The following KIF7 variants were observed in gnomAD, a reference collection of about 807,000 sequenced individuals.
KIF7 encodes the protein kinesin-like protein KIF7.
Under a neutral mutation model 135.7 loss-of-function variants are expected in KIF7, and 104 were observed. The observed-to-expected ratio is 0.77, with a 90% CI of 0.65 to 0.90. The LOEUF (loss-of-function observed/expected upper bound fraction) is 0.90. Ranked by LOEUF, KIF7 falls within the 40% of genes least tolerant of loss-of-function variation. KIF7 has a pLI of 0.00. For synonymous variants in KIF7, 883 were observed against 809.4 expected (o/e 1.09, Z -1.54); for missense variants, 2,005 against 1,839.1 (o/e 1.09, Z -1.65).
In KIF7 at chr15:89,648,611, G is replaced by T. The variant is rs1170850463; in HGVS notation, c.1087C>A (p.Arg363=). ...ATVNWRPEAE[R]PPEETASGAR... Reference sequence around the variant, plus strand: ...CCGCTCGCCGTCTCTTCGGGTGGCCGCTCGGCCTCGGGCCGCCAGTTGACC... The same window carrying T: ...CCGCTCGCCGTCTCTTCGGGTGGCCTCTCGGCCTCGGGCCGCCAGTTGACC... The change falls in exon 5 of 19, where the codon CGG becomes AGG. Residue 363 remains arginine (R), a synonymous_variant. Coordinates refer to ENST00000394412, the MANE Select transcript of KIF7 (RefSeq NM_198525.3). 6.5e-7 allele frequency: 1 copy of T among 1,532,806 alleles called. No individual in the cohort carries two copies. The highest frequency in any genetic ancestry group is 1.2e-5 in the South Asian group (1 of 83,940). 95.0% of individuals were successfully genotyped at this position (1,532,806 alleles called of 1,614,324 possible).
At chr15:89,662,328 C>T in the KIF7 span, among the ~76,000 whole-genome samples, 1 of 152,086 alleles carries the variant, frequency 6.6e-6, no homozygotes, top group Non-Finnish European at 1.5e-5. Context: ...GAAACCCCGT[C>T]TCTACTAAAA....
At position 89,633,797 on chromosome 15, in the gene KIF7, G is replaced by A. The variant is rs35837280; in HGVS notation, c.2481C>T (p.Asn827=). ...CCTGCTGCTGCCGCATGAGCTGCAC[G>A]TTCCGCTCGAGCTCCTGCAGTCGCT... The part of the protein sequence containing the change: ...SEKRLQELER[N]VQLMRQQQGQ... The change falls in exon 12 of 19, where the codon AAC becomes AAT. Residue 827 remains asparagine (N), a synonymous_variant. Coordinates refer to ENST00000394412, the MANE Select transcript of KIF7 (RefSeq NM_198525.3). The A allele has an allele frequency of 2.0e-3, 3,239 of 1,612,390 alleles. 62 individuals carry two copies. The African/African-American group carries it at 0.038, about 19-fold the overall frequency.
upstream of KIF7, among the ~76,000 whole-genome samples, chr15:89,655,612 G>A (rs1303741622): frequency 1.3e-5 from 2 of 152,140 alleles, no homozygotes; most frequent in African/African-American, 4.8e-5. Flanking sequence ...GTGCTCAAGG[G>A]CTGGGCCTGG....
upstream of KIF7, among the ~76,000 whole-genome samples, chr15:89,658,821 G>C (rs558236121): frequency 6.7e-6 from 1 of 149,580 alleles, no homozygotes; most frequent in African/African-American, 2.5e-5. Flanking sequence ...CTGTGATGGC[G>C]CCACTGCACT....
At chr15:89,634,025 G>A (rs950336202) in intron 11 of KIF7, 142 bp from the exon 12 acceptor site, 10 of 888,506 alleles carry the variant, frequency 1.1e-5, no homozygotes, top group African/African-American at 1.6e-5. Flanking sequence ...GAGGCCGGGT[G>A]CGGTGGCTCA....
At chr15:89,641,659 G>A (rs1963921341) in intron 11 of KIF7, among the ~76,000 whole-genome samples, 1 of 152,096 alleles carries the variant, frequency 6.6e-6, no homozygotes, top group East Asian at 1.9e-4. Flanking sequence ...AAATCAGCTG[G>A]GCGTGGTGGC....
At chr15:89,626,046 A>C (rs1330987375), downstream of KIF7, 1 of 1,613,904 alleles carries the variant, frequency 6.2e-7, no homozygotes, top group Admixed American at 1.7e-5. Context: ...TTCCTCTCAG[A>C]GCAAAGACCC....
intron 1 of KIF7, among the ~76,000 whole-genome samples, chr15:89,621,162 G>A (rs1215112751): frequency 6.6e-6 from 1 of 152,076 alleles, no homozygotes; most frequent in African/African-American, 2.4e-5. Context: ...TGGGATTACA[G>A]GCCCCTGCCA....
intron 2 of KIF7, 164 bp from the exon 3 acceptor site, chr15:89,650,105 G>A (rs1198007631): frequency 2.9e-6 from 2 of 684,998 alleles, no homozygotes; most frequent in East Asian, 5.5e-5. Context: ...GCTTGGCCAT[G>A]CTCCAGCGTG....
intron 1 of KIF7, among the ~76,000 whole-genome samples, chr15:89,653,503 C>T (rs1369261302): frequency 1.3e-5 from 2 of 152,204 alleles, no homozygotes; most frequent in African/African-American, 2.4e-5. Context: ...CCACTGACAT[C>T]GTGCCAGGAT....
intron 11 of KIF7, 44 bp from the exon 12 acceptor site, chr15:89,633,927 G>A (rs781756043): frequency 4.9e-5 from 79 of 1,605,738 alleles, no homozygotes; most frequent in Non-Finnish European, 6.4e-5. Context: ...CGGGGCTACC[G>A]CGAGCCTGCC....
At chr15:89,618,631 C>A (rs961398895) in intron 1 of KIF7, among the ~76,000 whole-genome samples, 2 of 152,186 alleles carry the variant, frequency 1.3e-5, no homozygotes, top group African/African-American at 4.8e-5. Flanking sequence ...ACACACAGTG[C>A]CTGGCACATA....
Position 89,648,551 on chromosome 15 carries a change from G to C in KIF7, c.1147C>G (p.Arg383Gly), listed in dbSNP as rs2142028875. The part of the protein sequence containing the change: ...RGPPRHRSET[R>G]IIHRGRRAPG... ...GCGCGCCGGCCGCGGTGGATGATGC[G>C]GGTCTCGGAGCGGTGCCGTGGCGGA... Residue 383 changes from arginine to glycine, a missense_variant, in exon 5 of 19, where the codon CGC (arginine) becomes GGC (glycine). Physicochemically the swap from Arg to Gly is moderately radical, Grantham distance 125 (BLOSUM62 -2). Coordinates refer to ENST00000394412, the MANE Select transcript of KIF7 (RefSeq NM_198525.3). 7.3e-7 allele frequency: 1 copy of C among 1,369,360 alleles called. No individual in the cohort carries two copies. Among genetic ancestry groups the C allele is most frequent in the Admixed American group, 3.1e-5 (1 of 32,650 alleles). 84.8% of individuals were successfully genotyped at this position (1,369,360 alleles called of 1,614,324 possible). A position where few individuals can be genotyped will look rare whatever the true frequency, so the allele number is the denominator to read the frequency against.
rs555924068 is a variant in KIF7, at chr15:89,630,171, T to C, written c.3318+116A>G. ...GGCGGCCCTGCAGATGAGTTGGTCC[T>C]GATTCTGTCCCCCAGTCTGGGAGGA... On this transcript the variant is annotated intron_variant, in intron 16 of 18. Coordinates refer to ENST00000394412, the MANE Select transcript of KIF7 (RefSeq NM_198525.3). 129 of 984,696 alleles carry C rather than the reference T, an allele frequency of 1.3e-4. 3 individuals carry two copies. In the South Asian group the frequency reaches 1.8e-3, roughly 13 times the overall value. 61.0% of individuals were successfully genotyped at this position (984,696 alleles called of 1,614,324 possible).
At position 89,648,260 on chromosome 15, in the gene KIF7, G is replaced by T; in HGVS notation, c.1438C>A (p.Arg480=). Residue 480 remains arginine, a synonymous_variant, in exon 5 of 19, where the codon CGA becomes AGA. Transcript: ENST00000394412. ...ACAACCTGTCCCTCGGCCACCTTTC[G>T]CCCGCCGGCCCCCTGCGCCGCCTGG... ...EDQAAQGAGG[R]KEDEGAQQLL... 1 of 1,514,400 alleles carries T rather than the reference G, an allele frequency of 6.6e-7. No homozygotes were observed. 93.8% of individuals were successfully genotyped at this position (1,514,400 alleles called of 1,614,324 possible).
At chr15:89,651,132 G>C (rs1454025234) in intron 2 of KIF7, among the ~76,000 whole-genome samples, 2 of 151,902 alleles carry the variant, frequency 1.3e-5, no homozygotes, top group Admixed American at 1.3e-4. Flanking sequence ...ACGGAGTCTT[G>C]CTCTGTCACC....
At chr15:89,644,865 G>T in intron 10 of KIF7, 148 bp downstream of exon 10, 1 of 1,017,964 alleles carries the variant, frequency 9.8e-7, no homozygotes, top group Non-Finnish European at 1.5e-6. Context: ...GGGTCACACA[G>T]CTGGAAGAGG....
At chr15:89,644,107 G>C (rs1963968795) in intron 10 of KIF7, among the ~76,000 whole-genome samples, 1 of 152,174 alleles carries the variant, frequency 6.6e-6, no homozygotes, top group South Asian at 2.1e-4. Flanking sequence ...ACTAAGTCTG[G>C]AGGATGGGTA....
intron 1 of KIF7, among the ~76,000 whole-genome samples, chr15:89,653,986 A>C (rs1405345890): frequency 6.6e-6 from 1 of 151,730 alleles, no homozygotes; most frequent in Non-Finnish European, 1.5e-5. Flanking sequence ...TGGGATTCAA[A>C]ATATTTTTGT....
Sources: allele counts gnomAD v4.1 joint callset (sites outside exome capture counted in the v4.1 genomes callset), GRCh38; gene constraint gnomAD v4.1.1; transcripts MANE v1.5; gene names NCBI Gene and HGNC (gene_info 2026-07-23, HGNC 2026-07-21).